Variants in SSU72 observed in about 807,000 individuals in gnomAD.
SSU72 encodes RNA polymerase II subunit A C-terminal domain phosphatase SSU72.
In SSU72, 12 loss-of-function variants were observed where a neutral mutation model predicts 22.7. The observed-to-expected ratio is 0.53, with a 90% CI of 0.34 to 0.86. The LOEUF (loss-of-function observed/expected upper bound fraction) is 0.86. Ranked by LOEUF, SSU72 falls within the 40% of genes least tolerant of loss-of-function variation. The pLI, the probability that SSU72 is intolerant of heterozygous loss-of-function variation, is 0.02. For synonymous variants in SSU72, 116 were observed against 98.3 expected (o/e 1.18, Z -1.06); for missense variants, 151 against 249.8 (o/e 0.60, Z 2.67).
chr1:1,551,719 T>G (rs921466937), intron 2 of SSU72, among the ~76,000 whole-genome samples: 3 of 152,208 alleles, frequency 2.0e-5, no homozygotes, highest in Admixed American at 6.5e-5. Flanking sequence ...CAAATCCACG[T>G]GGGACACAGC....
intron 1 of SSU72, among the ~76,000 whole-genome samples, chr1:1,573,148 C>A (rs1486976945): frequency 6.9e-6 from 1 of 145,464 alleles, no homozygotes; most frequent in African/African-American, 2.6e-5. Flanking sequence ...AAAAGCCGGG[C>A]GCAGTGGCTC....
intron 2 of SSU72, among the ~76,000 whole-genome samples, chr1:1,560,667 C>T (rs929139717): frequency 6.6e-6 from 1 of 152,122 alleles, no homozygotes; most frequent in Non-Finnish European, 1.5e-5. Context: ...CAGGCAACCT[C>T]ACAGAAAGTC....
chr1:1,560,229 G>T (rs1448290571), intron 2 of SSU72, among the ~76,000 whole-genome samples: 1 of 152,166 alleles, frequency 6.6e-6, no homozygotes, highest in African/African-American at 2.4e-5. Context: ...CTCTTCCTCA[G>T]GCTGGAGCAC....
intron 2 of SSU72, among the ~76,000 whole-genome samples, chr1:1,548,768 G>A (rs984995436): frequency 2.0e-5 from 3 of 152,208 alleles, no homozygotes; most frequent in East Asian, 1.9e-4. Flanking sequence ...GGACTTTGGC[G>A]TAAACAGGAG....
In SSU72 at chr1:1,542,230, C is replaced by T; in HGVS notation, c.484-63G>A. Reference sequence around the variant, plus strand: ...CCTGCCTGTCTGCTCCCCCTAACACCTGGATCGCCAGGGAAACGCCAGGCC... The same window carrying T: ...CCTGCCTGTCTGCTCCCCCTAACACTTGGATCGCCAGGGAAACGCCAGGCC... On this transcript the variant is annotated intron_variant, in intron 4 of 4. Coordinates refer to ENST00000291386, the MANE Select transcript of SSU72 (RefSeq NM_014188.3). This position sits in a 1 kb window ranked among gnomAD's most constrained non-coding sequence, Gnocchi z 4.4. 6.7e-7 allele frequency: 1 copy of T among 1,491,840 alleles called. No individual in the cohort carries two copies. The highest frequency in any genetic ancestry group is 2.5e-5 in the East Asian group (1 of 40,688). 92.4% of individuals were successfully genotyped at this position (1,491,840 alleles called of 1,614,324 possible).
chr1:1,548,058 G>T (rs1642413623), intron 2 of SSU72, among the ~76,000 whole-genome samples: 2 of 152,232 alleles, frequency 1.3e-5, no homozygotes, highest in African/African-American at 4.8e-5. Flanking sequence ...AGAAAAGTGG[G>T]CCAAGAGAGG....
intron 2 of SSU72, among the ~76,000 whole-genome samples, chr1:1,547,164 T>C (rs1018330030): frequency 1.3e-5 from 2 of 151,968 alleles, no homozygotes; most frequent in African/African-American, 4.8e-5. Flanking sequence ...GGCAGCTTCA[T>C]GGTGGGCACA....
In SSU72 at chr1:1,542,222, C is replaced by T; in HGVS notation, c.484-55G>A. Reference sequence around the variant, plus strand: ...TGCCCACTCCTGCCTGTCTGCTCCCCCTAACACCTGGATCGCCAGGGAAAC... The same window carrying T: ...TGCCCACTCCTGCCTGTCTGCTCCCTCTAACACCTGGATCGCCAGGGAAAC... On this transcript the variant is annotated intron_variant, in intron 4 of 4. Transcript: ENST00000291386. The surrounding 1 kb of genome is among the most constrained non-coding windows in gnomAD (Gnocchi z 4.4). 1 of 1,512,382 alleles carries T rather than the reference C, an allele frequency of 6.6e-7. No homozygotes were observed. The highest frequency in any genetic ancestry group is 9.0e-7 in the Non-Finnish European group (1 of 1,111,652). The allele number at this position is 1,512,382 out of a possible 1,614,324, so 93.7% of individuals were successfully genotyped here. A position where few individuals can be genotyped will look rare whatever the true frequency, so the allele number is the denominator to read the frequency against.
At chr1:1,545,048 T>C in intron 2 of SSU72, 46 bp from the exon 3 acceptor site, 2 of 1,594,832 alleles carry the variant, frequency 1.3e-6, no homozygotes, top group Non-Finnish European at 1.7e-6. Flanking sequence ...CATCTGTGTA[T>C]GAAGCCTGGA....
rs555240121 is a variant in SSU72, at chr1:1,554,928, G to A, written c.224+9845C>T. ...GGCTGGCAGCAGAGACTTCCTTGAC[G>A]TCAAGTCTCCTGAAGGTGTTGATGC... On this transcript the variant is annotated intron_variant, in intron 2 of 4. Transcript: ENST00000291386. The surrounding 1 kb of genome is among the most constrained non-coding windows in gnomAD (Gnocchi z 4.1). Among the ~76,000 whole-genome samples the A allele has an allele frequency of 6.6e-6, 1 of 152,232 alleles. No homozygotes were observed. The highest frequency in any genetic ancestry group is 2.1e-4 in the South Asian group (1 of 4,822).
At chr1:1,574,254 C>G (rs1178281935) in intron 1 of SSU72, among the ~76,000 whole-genome samples, 1 of 152,046 alleles carries the variant, frequency 6.6e-6, no homozygotes, top group Non-Finnish European at 1.5e-5. Context: ...CGAAGGACCA[C>G]CGGACAGCGG....
At chr1:1,546,515 G>C (rs550134004) in intron 2 of SSU72, 2 of 152,212 alleles carry the variant, frequency 1.3e-5, no homozygotes, top group Non-Finnish European at 2.9e-5. Context: ...GCTCGAGGCC[G>C]GGTGCGGCGG....
intron 2 of SSU72, chr1:1,545,792 A>C (rs1229782552): frequency 6.6e-6 from 1 of 152,064 alleles, no homozygotes; most frequent in Non-Finnish European, 1.5e-5. Context: ...AAAGAAAAAA[A>C]AACAGAAGGT....
intron 1 of SSU72, among the ~76,000 whole-genome samples, chr1:1,572,886 G>GC (rs1309234984): frequency 6.8e-6 from 1 of 146,300 alleles, no homozygotes; most frequent in Non-Finnish European, 1.5e-5. Flanking sequence ...TTGGGGGGGG[G>GC]GGGGTGAGCC....
intron 4 of SSU72, 154 bp downstream of exon 4, chr1:1,543,715 C>T (rs1642354205): frequency 9.5e-6 from 5 of 528,026 alleles, no homozygotes; most frequent in Admixed American, 3.2e-5. Context: ...GTCACGGCCT[C>T]GGCCACTCCC....
chr1:1,546,022 C>A (rs1642385606), intron 2 of SSU72: 1 of 152,216 alleles, frequency 6.6e-6, no homozygotes. Flanking sequence ...CCTCTGGGGT[C>A]CTCAGGGTGG....
Position 1,558,096 on chromosome 1 carries a change from G to C in SSU72, c.224+6677C>G, listed in dbSNP as rs919620892. Among the ~76,000 whole-genome samples the C allele has an allele frequency of 1.7e-3, 254 of 152,012 alleles. 7 individuals carry two copies. The highest frequency in any genetic ancestry group is 3.1e-4 in the Non-Finnish European group (21 of 67,986). ...ACATGCCTGAAATCCCAGCTACTCGGGAGGCTGAGGCAGGAAAATCGCTTG... is the reference window on the plus strand; with the variant it reads ...ACATGCCTGAAATCCCAGCTACTCGCGAGGCTGAGGCAGGAAAATCGCTTG... On this transcript the variant is annotated intron_variant, in intron 2 of 4. Coordinates refer to ENST00000291386, the MANE Select transcript of SSU72 (RefSeq NM_014188.3).
chr1:1,567,450 G>C (rs1311183558), intron 1 of SSU72, among the ~76,000 whole-genome samples: 3 of 152,190 alleles, frequency 2.0e-5, no homozygotes, highest in Non-Finnish European at 4.4e-5. Flanking sequence ...AAATAAACGT[G>C]AAAATGCTAA....
chr1:1,542,212 G>C lies in SSU72; in HGVS notation c.484-45C>G. 6.5e-7 allele frequency: 1 copy of C among 1,533,390 alleles called. No homozygotes were observed. Among genetic ancestry groups the C allele is most frequent in the South Asian group, 1.2e-5 (1 of 83,894 alleles). 95.0% of individuals were successfully genotyped at this position (1,533,390 alleles called of 1,614,324 possible). A position where few individuals can be genotyped will look rare whatever the true frequency, so the allele number is the denominator to read the frequency against. ...GTGAGGGCCTTGCCCACTCCTGCCT[G>C]TCTGCTCCCCCTAACACCTGGATCG... On this transcript the variant is annotated intron_variant, in intron 4 of 4. Coordinates refer to ENST00000291386, the MANE Select transcript of SSU72 (RefSeq NM_014188.3). This position sits in a 1 kb window ranked among gnomAD's most constrained non-coding sequence, Gnocchi z 4.4.
Sources: allele counts gnomAD v4.1 joint callset (sites outside exome capture counted in the v4.1 genomes callset), GRCh38; gene constraint gnomAD v4.1.1; non-coding constraint Gnocchi (gnomAD v3.1); transcripts MANE v1.5; gene names NCBI Gene and HGNC (gene_info 2026-07-23, HGNC 2026-07-21).